Variants in LCORL observed in about 807,000 individuals in gnomAD.
LCORL encodes the protein ligand-dependent nuclear receptor corepressor-like protein.
Under a neutral mutation model 141.8 loss-of-function variants are expected in LCORL, and 41 were observed. That is an observed-to-expected ratio of 0.29 (90% CI 0.23 to 0.38). The LOEUF is 0.38. Among genes scored for constraint, LCORL ranks in the 10% least tolerant of loss-of-function variants. The pLI is 1.00. For synonymous variants in LCORL, 618 were observed against 694.1 expected (o/e 0.89, Z 1.72); for missense variants, 1,759 against 2,035.0 (o/e 0.86, Z 2.61).
Position 17,928,678 on chromosome 4 carries a change from G to C in LCORL, c.431-19333C>G, listed in dbSNP as rs565194763. 2.6e-5 allele frequency among the ~76,000 whole-genome samples: 4 copies of C among 152,206 alleles called. No homozygotes were observed. The South Asian group carries it at 8.3e-4, about 32-fold the overall frequency. ...GCTTTCCCCCAGAATGCTTTGTCAG[G>C]AACAAAACAAGGATATATGCTCTTA... On this transcript the variant is annotated intron_variant, in intron 4 of 7. Coordinates refer to ENST00000635767, the Ensembl canonical transcript of LCORL.
At chr4:17,845,883 A>G (rs765727408) in exon 8 of LCORL, 1 of 1,607,558 alleles carries the variant, frequency 6.2e-7, no homozygotes, top group Non-Finnish European at 8.5e-7. Flanking sequence ...GTTTCTCATC[A>G]GTTTTCACTT....
chr4:17,969,535 A>C (rs1262891422), intron 2 of LCORL, among the ~76,000 whole-genome samples: 1 of 152,162 alleles, frequency 6.6e-6, no homozygotes, highest in East Asian at 1.9e-4. Flanking sequence ...TTTCAAGAGA[A>C]AACAGTAGGT....
chr4:18,010,819 T>A (rs977593424), intron 1 of LCORL, among the ~76,000 whole-genome samples: 3 of 152,122 alleles, frequency 2.0e-5, no homozygotes, highest in African/African-American at 7.2e-5. Context: ...AACAGTTGTA[T>A]TGTTTCCAGT....
intron 6 of LCORL, chr4:17,882,549 T>C (rs939749045): frequency 8.1e-6 from 8 of 984,608 alleles, no homozygotes; most frequent in Non-Finnish European, 9.6e-6. Flanking sequence ...GAGTTTACAT[T>C]ACTGAAAGTT....
intron 5 of LCORL, among the ~76,000 whole-genome samples, chr4:17,889,695 G>C (rs1728809419): frequency 6.6e-6 from 1 of 151,692 alleles, no homozygotes. Context: ...CAAAAACAAT[G>C]AGACAGCCAG....
intron 5 of LCORL, among the ~76,000 whole-genome samples, chr4:17,886,548 T>C (rs1375928325): frequency 6.6e-6 from 1 of 152,006 alleles, no homozygotes; most frequent in Non-Finnish European, 1.5e-5. Context: ...TTGTACAAAA[T>C]GGAGAGAATA....
chr4:17,982,637 T>G (rs1268822126), intron 1 of LCORL, among the ~76,000 whole-genome samples: 1 of 152,164 alleles, frequency 6.6e-6, no homozygotes, highest in African/African-American at 2.4e-5. Context: ...TTCTTGTAAA[T>G]TTAAGTAAGT....
intron 1 of LCORL, among the ~76,000 whole-genome samples, chr4:18,018,074 A>G (rs1724893903): frequency 6.6e-6 from 1 of 152,128 alleles, no homozygotes; most frequent in South Asian, 2.1e-4. Flanking sequence ...AATTACATCA[A>G]AATACAAAAT....
intron 1 of LCORL, among the ~76,000 whole-genome samples, chr4:18,003,643 T>A (rs1722335504): frequency 6.6e-6 from 1 of 152,136 alleles, no homozygotes; most frequent in Admixed American, 6.6e-5. Flanking sequence ...AGTTAAATAT[T>A]GGGATAGGTA....
Position 18,008,154 on chromosome 4 carries a change from C to A in LCORL, c.154+13444G>T, listed in dbSNP as rs112898432. Among the ~76,000 whole-genome samples, 7 of 152,262 alleles carry A rather than the reference C, an allele frequency of 4.6e-5. 1 individual carries two copies. The highest frequency in any genetic ancestry group is 1.7e-4 in the African/African-American group (7 of 41,556). ...TTCTTAGAATTAGGATAGAAGGTAACTTTATATCCAGACTAAAACTTAACA... is the reference window on the plus strand; with the variant it reads ...TTCTTAGAATTAGGATAGAAGGTAAATTTATATCCAGACTAAAACTTAACA... On this transcript the variant is annotated intron_variant, in intron 1 of 7. Transcript: ENST00000635767.
intron 1 of LCORL, among the ~76,000 whole-genome samples, chr4:18,002,040 C>T (rs557391344): frequency 9.2e-5 from 14 of 152,176 alleles, no homozygotes; most frequent in African/African-American, 3.4e-4. Flanking sequence ...TTAATAAACA[C>T]CCAAGACATA....
rs1725608975 is a variant in LCORL at position 18,021,674 on chromosome 4, G to C, written c.78C>G (p.Ser26Arg). Residue 26 changes from serine (S) to arginine (R), a missense_variant, in exon 1 of 8, where the codon AGC (serine) becomes AGG (arginine). Around this residue, in one of 5 missense-constraint regions of LCORL, gnomAD observed 86 missense variants for 61.8 expected, o/e 1.39. Transcript: ENST00000635767. The surrounding 1 kb of genome is among the most constrained non-coding windows in gnomAD (Gnocchi z 5.5). ...CTCTTCTCTCCGCCGCGCACCGAGG[G>C]CTCCGGCACTGAGCGGCGGCGGCGG... 1.3e-6 allele frequency: 2 copies of C among 1,542,004 alleles called. No individual in the cohort carries two copies. The highest frequency in any genetic ancestry group is 1.7e-6 in the Non-Finnish European group (2 of 1,143,792).
chr4:18,007,567 G>C (rs760964540), intron 1 of LCORL, among the ~76,000 whole-genome samples: 1 of 152,082 alleles, frequency 6.6e-6, no homozygotes, highest in Non-Finnish European at 1.5e-5. Flanking sequence ...GCTTCATGAA[G>C]ACAATCTAAT....
chr4:17,843,514 A>C (rs1722633229), exon 8 of LCORL: 1 of 1,430,192 alleles, frequency 7.0e-7, no homozygotes, highest in Admixed American at 2.0e-5. Context: ...ATCAGAACAA[A>C]CCTGATGTCT....
At chr4:18,009,893 A>C (rs1168873040) in intron 1 of LCORL, among the ~76,000 whole-genome samples, 3 of 152,086 alleles carry the variant, frequency 2.0e-5, no homozygotes, top group Non-Finnish European at 4.4e-5. Flanking sequence ...CTCCTCTTAC[A>C]TGACGATGTG....
chr4:17,935,464 GT>G (rs1736699370), intron 4 of LCORL, among the ~76,000 whole-genome samples: 1 of 152,210 alleles, frequency 6.6e-6, no homozygotes, highest in African/African-American at 2.4e-5. Flanking sequence ...AGTGGGAGAT[GT>G]TTGGGTCATG....
intron 7 of LCORL, among the ~76,000 whole-genome samples, chr4:17,848,023 A>T (rs1214899400): frequency 3.3e-5 from 5 of 152,222 alleles, no homozygotes; most frequent in African/African-American, 1.2e-4. Flanking sequence ...TTCACCAGAG[A>T]AGAATACTTT....
chr4:17,910,967 T>G (rs1689953719), intron 4 of LCORL, among the ~76,000 whole-genome samples: 2 of 152,196 alleles, frequency 1.3e-5, no homozygotes, highest in South Asian at 4.1e-4. Context: ...GGGACACTAT[T>G]CGTTTTGGGG....
exon 7 of LCORL, chr4:17,876,251 C>T: frequency 8.1e-7 from 1 of 1,230,896 alleles, no homozygotes; most frequent in African/African-American, 1.6e-5. Flanking sequence ...TATTCAAATC[C>T]ACTGTAGGCA....
Sources: allele counts gnomAD v4.1 joint callset (sites outside exome capture counted in the v4.1 genomes callset), GRCh38; gene constraint gnomAD v4.1.1; regional missense constraint gnomAD v4.1.1; non-coding constraint Gnocchi (gnomAD v3.1); transcripts MANE v1.5; gene names NCBI Gene and HGNC (gene_info 2026-07-23, HGNC 2026-07-21).